The following TTLL11 variants were observed in gnomAD, a reference collection of about 807,000 sequenced individuals.
TTLL11 encodes tubulin tyrosine ligase like 11.
A neutral mutation model predicts 51.7 loss-of-function variants in TTLL11; 42 were observed. The ratio of observed to expected loss-of-function variants is 0.81; its 90% confidence interval spans 0.64 to 1.05. TTLL11 has a LOEUF of 1.05. Among genes scored for constraint, TTLL11 ranks in the 50% least tolerant of loss-of-function variants. The probability of loss-of-function intolerance (pLI) is 0.00; values close to 1 mark genes in which losing one functional copy is unlikely to be tolerated. For missense variants in TTLL11, 799 were observed against 940.4 expected, an observed-to-expected ratio of 0.85 and a Z score of 1.97; for synonymous variants, 381 against 383.5, an observed-to-expected ratio of 0.99 and a Z score of 0.08.
intron 1 of TTLL11, among the ~76,000 whole-genome samples, chr9:122,077,121 A>G (rs1845883883): frequency 1.3e-5 from 2 of 152,212 alleles, no homozygotes; most frequent in Admixed American, 1.3e-4. Flanking sequence ...TTTTGGACAA[A>G]TAAAAACTGA....
intron 6 of TTLL11, chr9:121,885,044 C>T (rs944655677): frequency 1.3e-5 from 2 of 152,194 alleles, no homozygotes; most frequent in African/African-American, 2.4e-5. Flanking sequence ...CAGGAAAACA[C>T]TTGAATTTGC....
chr9:121,916,301 A>G (rs951505800), intron 6 of TTLL11, among the ~76,000 whole-genome samples: 1 of 152,214 alleles, frequency 6.6e-6, no homozygotes, highest in Admixed American at 6.5e-5. Context: ...TTACTACAAC[A>G]TAATAAATTT....
At chr9:122,064,475 C>G (rs1284036825) in intron 1 of TTLL11, among the ~76,000 whole-genome samples, 1 of 152,212 alleles carries the variant, frequency 6.6e-6, no homozygotes, top group East Asian at 1.9e-4. Flanking sequence ...TATTAGATGT[C>G]TACTGTATAT....
At chr9:121,951,810 G>A (rs759990716) in intron 6 of TTLL11, among the ~76,000 whole-genome samples, 65 of 152,202 alleles carry the variant, frequency 4.3e-4, no homozygotes, top group Middle Eastern at 3.2e-3. Context: ...GAACAGCCCC[G>A]AGGGCTGCTG....
chr9:122,020,026 C>T (rs1220787111), intron 3 of TTLL11, among the ~76,000 whole-genome samples: 1 of 152,180 alleles, frequency 6.6e-6, no homozygotes, highest in Non-Finnish European at 1.5e-5. Context: ...GTCCATTAAA[C>T]CTCTTTTTCT....
intron 1 of TTLL11, among the ~76,000 whole-genome samples, chr9:122,063,009 G>T (rs572552265): frequency 1.3e-5 from 2 of 152,052 alleles, no homozygotes; most frequent in East Asian, 3.9e-4. Flanking sequence ...TTGAACTCCT[G>T]GGCTCAAGAG....
chr9:121,845,850 T>C (rs1310805545), intron 8 of TTLL11, among the ~76,000 whole-genome samples: 1 of 152,046 alleles, frequency 6.6e-6, no homozygotes, highest in Non-Finnish European at 1.5e-5. Flanking sequence ...AAAAGAGAAG[T>C]AAAAACAGAA....
chr9:121,824,503 A>T (rs1048207320), intron 8 of TTLL11, among the ~76,000 whole-genome samples: 6 of 151,852 alleles, frequency 4.0e-5, no homozygotes, highest in Non-Finnish European at 5.9e-5. Flanking sequence ...AAGAAAAGAA[A>T]AAAAGAAACT....
intron 1 of TTLL11, among the ~76,000 whole-genome samples, chr9:122,069,560 T>C (rs542593749): frequency 1.7e-3 from 254 of 152,304 alleles, no homozygotes; most frequent in African/African-American, 6.0e-3. Context: ...AGCATCCCTG[T>C]AGTCCCACCT....
At chr9:121,891,637 G>A (rs1324300403) in intron 6 of TTLL11, among the ~76,000 whole-genome samples, 2 of 152,148 alleles carry the variant, frequency 1.3e-5, no homozygotes, top group Non-Finnish European at 2.9e-5. Context: ...TCTCAGAACT[G>A]ACTGTATCTA....
At chr9:122,064,303 G>C (rs1012532735) in intron 1 of TTLL11, among the ~76,000 whole-genome samples, 1 of 152,162 alleles carries the variant, frequency 6.6e-6, no homozygotes, top group African/African-American at 2.4e-5. Flanking sequence ...TTGACTTAGG[G>C]GGAGGGGAGG....
chr9:121,988,380 C>A (rs961848046), intron 4 of TTLL11, among the ~76,000 whole-genome samples: 8 of 151,884 alleles, frequency 5.3e-5, no homozygotes, highest in African/African-American at 1.9e-4. Context: ...AATACCCAGG[C>A]TCTCGACACA....
At chr9:121,973,438 A>G (rs1842624005) in intron 6 of TTLL11, among the ~76,000 whole-genome samples, 1 of 152,232 alleles carries the variant, frequency 6.6e-6, no homozygotes, top group African/African-American at 2.4e-5. Context: ...GAGAAGCACT[A>G]TGTGTGCAAT....
intron 8 of TTLL11, among the ~76,000 whole-genome samples, chr9:121,857,045 C>G (rs1837845175): frequency 6.6e-6 from 1 of 152,190 alleles, no homozygotes; most frequent in African/African-American, 2.4e-5. Context: ...CTGGCTGGCA[C>G]CAGCAGTGGC....
At chr9:121,886,527 G>A (rs973984554) in intron 6 of TTLL11, among the ~76,000 whole-genome samples, 1 of 152,184 alleles carries the variant, frequency 6.6e-6, no homozygotes, top group African/African-American at 2.4e-5. Flanking sequence ...AAAAGGCAAG[G>A]AAGGATTCTC....
At chr9:121,998,935 C>T (rs1337371995) in intron 3 of TTLL11, among the ~76,000 whole-genome samples, 2 of 152,160 alleles carry the variant, frequency 1.3e-5, no homozygotes, top group Non-Finnish European at 2.9e-5. Flanking sequence ...CCACTGTACC[C>T]GACCCAGAAT....
chr9:122,076,536 G>T (rs1336018756), intron 1 of TTLL11, among the ~76,000 whole-genome samples: 1 of 152,144 alleles, frequency 6.6e-6, no homozygotes, highest in Non-Finnish European at 1.5e-5. Context: ...TCCAAGTATG[G>T]AGTCAGAATT....
intron 6 of TTLL11, among the ~76,000 whole-genome samples, chr9:121,934,059 GTC>G (rs1380616891): frequency 1.3e-5 from 2 of 152,066 alleles, no homozygotes; most frequent in African/African-American, 4.8e-5. Flanking sequence ...GAGCAACCCT[GTC>G]TCTACTAAAA....
At chr9:121,861,752 A>G (rs941808585) in intron 7 of TTLL11, among the ~76,000 whole-genome samples, 1 of 152,170 alleles carries the variant, frequency 6.6e-6, no homozygotes, top group African/African-American at 2.4e-5. Flanking sequence ...AGCCATCACT[A>G]CTGTCCAGAA....
Sources: gnomAD v4.1 joint callset for allele counts (sites outside exome capture counted in the v4.1 genomes callset) on GRCh38, gnomAD v4.1.1 for gene constraint, MANE v1.5 for transcripts, NCBI Gene and HGNC (gene_info 2026-07-23, HGNC 2026-07-21) for gene names.